DPP10: variants seen among roughly 807,000 people sequenced by gnomAD.
DPP10 encodes dipeptidyl peptidase like 10.
In DPP10, 33 loss-of-function variants were observed where a neutral mutation model predicts 120.9. The ratio of observed to expected loss-of-function variants is 0.27; its 90% CI spans 0.21 to 0.37. DPP10 has a LOEUF of 0.37. DPP10 is among the 10% of genes least tolerant of loss of function. The probability of loss-of-function intolerance (pLI) is 1.00; values close to 1 mark genes in which losing one functional copy is unlikely to be tolerated. For missense variants in DPP10, 816 were observed against 942.8 expected (o/e 0.87, Z 1.76); for synonymous variants, 337 against 326.1 (o/e 1.03, Z -0.36).
At chr2:115,039,974 G>A (rs1704514225) in intron 1 of DPP10, among the ~76,000 whole-genome samples, 4 of 151,782 alleles carry the variant, frequency 2.6e-5, no homozygotes, top group African/African-American at 4.8e-5. Context: ...GGAAAAAAAT[G>A]TGCACACAAA....
chr2:114,845,942 G>A (rs1229401354), intron 1 of DPP10, among the ~76,000 whole-genome samples: 1 of 151,956 alleles, frequency 6.6e-6, no homozygotes, highest in Non-Finnish European at 1.5e-5. Context: ...GGAGTTATGT[G>A]CTATTTAGTT....
chr2:115,237,358 A>G (rs1574114682), intron 1 of DPP10, among the ~76,000 whole-genome samples: 1 of 152,288 alleles, frequency 6.6e-6, no homozygotes, highest in Non-Finnish European at 1.5e-5. Context: ...GTTAATCAAT[A>G]AATGTTGTGT....
intron 1 of DPP10, among the ~76,000 whole-genome samples, chr2:114,913,781 A>G (rs1694567548): frequency 6.6e-6 from 1 of 152,240 alleles, no homozygotes; most frequent in South Asian, 2.1e-4. Context: ...AATGAGATTC[A>G]GGAGAGAAAT....
chr2:114,915,343 A>T (rs1694722294), intron 1 of DPP10, among the ~76,000 whole-genome samples: 1 of 152,206 alleles, frequency 6.6e-6, no homozygotes, highest in Admixed American at 6.5e-5. Flanking sequence ...CCAGCTCTGG[A>T]GTACTCAGAT....
At chr2:115,358,142 T>C (rs747625920) in intron 3 of DPP10, among the ~76,000 whole-genome samples, 1 of 152,162 alleles carries the variant, frequency 6.6e-6, no homozygotes, top group Non-Finnish European at 1.5e-5. Flanking sequence ...TGCAGCCTGC[T>C]TGAATTTCTC....
intron 1 of DPP10, among the ~76,000 whole-genome samples, chr2:115,183,249 T>G (rs752304027): frequency 5.3e-5 from 8 of 152,118 alleles, no homozygotes; most frequent in Non-Finnish European, 1.5e-5. Context: ...TTTTTAGAGA[T>G]AGGTTTTTTA....
intron 1 of DPP10, among the ~76,000 whole-genome samples, chr2:115,106,079 C>T (rs1264413579): frequency 6.6e-6 from 1 of 152,218 alleles, no homozygotes; most frequent in Admixed American, 6.5e-5. Context: ...GAATTTCCAT[C>T]ACCTAAAACT....
chr2:114,588,672 ATATTTG>A, intron 1 of DPP10, among the ~76,000 whole-genome samples: 1 of 152,294 alleles, frequency 6.6e-6, no homozygotes, highest in East Asian at 1.9e-4. Context: ...AATACACATA[ATATTTG>A]CAATTATCAT....
At chr2:115,050,368 A>ATT (rs1385550844) in intron 1 of DPP10, 1 of 152,224 alleles carries the variant, frequency 6.6e-6, no homozygotes, top group Admixed American at 6.6e-5. Context: ...CTCACAAATA[A>ATT]TTGTTTTAGC....
intron 1 of DPP10, among the ~76,000 whole-genome samples, chr2:115,049,855 T>G (rs908594290): frequency 6.6e-6 from 1 of 152,146 alleles, no homozygotes; most frequent in Non-Finnish European, 1.5e-5. Flanking sequence ...GTAAGTTACC[T>G]CAAATCTTTT....
At chr2:115,163,693 A>G (rs567224275) in intron 1 of DPP10, among the ~76,000 whole-genome samples, 2 of 152,264 alleles carry the variant, frequency 1.3e-5, no homozygotes, top group African/African-American at 4.8e-5. Flanking sequence ...GAGCCTCTCT[A>G]CTGCTCTGGG....
At chr2:114,764,847 C>T (rs1234045408) in intron 1 of DPP10, among the ~76,000 whole-genome samples, 2 of 152,084 alleles carry the variant, frequency 1.3e-5, no homozygotes, top group South Asian at 2.1e-4. Context: ...TTTATGAATG[C>T]AATTTTAGAG....
chr2:115,602,446 G>T (rs4390772), intron 5 of DPP10, among the ~76,000 whole-genome samples: 150,565 of 152,362 alleles, frequency 0.99, 74,423 homozygotes, highest in East Asian at 1. Flanking sequence ...TCTATTTATC[G>T]TTACTTCTGT....
chr2:115,211,825 G>A (rs1353614330), intron 1 of DPP10, among the ~76,000 whole-genome samples: 2 of 152,100 alleles, frequency 1.3e-5, no homozygotes, highest in Non-Finnish European at 2.9e-5. Flanking sequence ...AGAGATGTGT[G>A]CGTGTGTGTG....
intron 1 of DPP10, among the ~76,000 whole-genome samples, chr2:114,762,686 C>T (rs994490780): frequency 6.6e-6 from 1 of 152,266 alleles, no homozygotes; most frequent in Non-Finnish European, 1.5e-5. Context: ...CAATTAAATG[C>T]TATGAGGCAG....
At chr2:114,638,085 T>C (rs926339710) in intron 1 of DPP10, among the ~76,000 whole-genome samples, 1 of 151,938 alleles carries the variant, frequency 6.6e-6, no homozygotes, top group Non-Finnish European at 1.5e-5. Flanking sequence ...AGTATGGCCA[T>C]TTTAATAATA....
intron 1 of DPP10, among the ~76,000 whole-genome samples, chr2:114,627,063 T>C (rs968803524): frequency 2.3e-4 from 35 of 152,092 alleles, no homozygotes; most frequent in African/African-American, 8.0e-4. Context: ...CACACGAAGC[T>C]CCATAAAAGT....
intron 1 of DPP10, among the ~76,000 whole-genome samples, chr2:114,704,527 T>C (rs549747399): frequency 1.3e-4 from 20 of 152,330 alleles, no homozygotes; most frequent in Admixed American, 1.2e-3. Flanking sequence ...AGTTAATAGT[T>C]ATCTCAAAAG....
At chr2:114,772,754 C>A (rs112386133) in intron 1 of DPP10, among the ~76,000 whole-genome samples, 3 of 151,822 alleles carry the variant, frequency 2.0e-5, no homozygotes, top group East Asian at 1.9e-4. Context: ...CTCCTGGTGG[C>A]TAACCATGAA....
Sources: gnomAD v4.1 joint callset for allele counts (sites outside exome capture counted in the v4.1 genomes callset) on GRCh38, gnomAD v4.1.1 for gene constraint, MANE v1.5 for transcripts, NCBI Gene and HGNC (gene_info 2026-07-23, HGNC 2026-07-21) for gene names.